Variants in CYTH3 observed in about 807,000 individuals in gnomAD.
The protein encoded by CYTH3 is cytohesin-3.
In CYTH3, 23 loss-of-function variants were observed where a neutral mutation model predicts 55.1. The observed-to-expected ratio is 0.42, with a 90% CI of 0.30 to 0.59. The LOEUF (loss-of-function observed/expected upper bound fraction) is 0.59, where lower values mean the gene tolerates loss of function less well. CYTH3 is among the 20% of genes least tolerant of loss of function. The probability of loss-of-function intolerance (pLI) is 0.20; values close to 1 mark genes in which losing one functional copy is unlikely to be tolerated. For synonymous variants in CYTH3, 249 were observed against 194.9 expected (o/e 1.28, Z -2.31); for missense variants, 413 against 524.8 (o/e 0.79, Z 2.08).
intron 1 of CYTH3, among the ~76,000 whole-genome samples, chr7:6,205,057 T>G (rs1227820270): frequency 1.3e-5 from 2 of 152,002 alleles, no homozygotes; most frequent in African/African-American, 4.8e-5. Context: ...TCCCAGCTAC[T>G]TGGGGGCTGA....
In CYTH3 at chr7:6,259,776, AT is replaced by A. The variant is rs1562417594; in HGVS notation, c.34+12697del. 7.1e-4 allele frequency among the ~76,000 whole-genome samples: 14 copies of A among 19,840 alleles called. 1 individual carries two copies. In the East Asian group the frequency reaches 0.013, roughly 19 times the overall value. The allele number at this position is 19,840 out of a possible 152,430, so 13.0% of individuals were successfully genotyped here. A position where few individuals can be genotyped will look rare whatever the true frequency, so the allele number is the denominator to read the frequency against. On this transcript the variant is annotated intron_variant, in intron 1 of 12. Coordinates refer to ENST00000350796, the MANE Select transcript of CYTH3 (RefSeq NM_004227.4). ...TATATATTATATATATATATATTAT[AT>A]ATATATAATATATATATATATATAT...
chr7:6,205,662 C>T (rs1263358685), intron 1 of CYTH3, among the ~76,000 whole-genome samples: 1 of 151,784 alleles, frequency 6.6e-6, no homozygotes, highest in Non-Finnish European at 1.5e-5. Context: ...TAGAAAATAA[C>T]AACTTAAGAT....
chr7:6,254,781 T>TCA (rs925479325), intron 1 of CYTH3, among the ~76,000 whole-genome samples: 3 of 152,094 alleles, frequency 2.0e-5, no homozygotes, highest in Admixed American at 6.6e-5. Context: ...ATGGGTTCAG[T>TCA]CACACACACA....
At position 6,170,795 on chromosome 7, in the gene CYTH3, TGCAGACG is replaced by T; in HGVS notation, c.711+28_711+34del. ...GCGGCCGCTCACAGCGAAGAGATCCTGCAGACGGCAGCGGCCGCGGGCCGGGGAGCTC... is the reference window on the plus strand; with the variant it reads ...GCGGCCGCTCACAGCGAAGAGATCCTGCAGCGGCCGCGGGCCGGGGAGCTC... On this transcript the variant is annotated intron_variant, in intron 8 of 12. Transcript: ENST00000350796. The surrounding 1 kb of genome is among the most constrained non-coding windows in gnomAD (Gnocchi z 7.8). 1 of 1,595,726 alleles carries T rather than the reference TGCAGACG, an allele frequency of 6.3e-7. No individual in the cohort carries two copies.
At chr7:6,223,825 T>G (rs1457943014) in intron 1 of CYTH3, among the ~76,000 whole-genome samples, 1 of 52,406 alleles carries the variant, frequency 1.9e-5, no homozygotes, top group African/African-American at 7.8e-5. Flanking sequence ...CCAAGAATGA[T>G]CAATAAATAC....
intron 1 of CYTH3, among the ~76,000 whole-genome samples, chr7:6,247,416 C>T (rs561460330): frequency 1.3e-5 from 2 of 150,804 alleles, no homozygotes; most frequent in South Asian, 2.1e-4. Context: ...TATACAGAAA[C>T]AGCTCGTTTT....
intron 1 of CYTH3, among the ~76,000 whole-genome samples, chr7:6,213,381 C>T (rs1316459175): frequency 6.6e-6 from 1 of 152,166 alleles, no homozygotes; most frequent in Non-Finnish European, 1.5e-5. Context: ...AAAGGAGGAA[C>T]CTCCAACACC....
At chr7:6,175,321 C>T (rs908754502) in intron 5 of CYTH3, among the ~76,000 whole-genome samples, 1 of 152,080 alleles carries the variant, frequency 6.6e-6, no homozygotes, top group Non-Finnish European at 1.5e-5. Context: ...TTCTTGATGT[C>T]TTCTGAAGCA....
In CYTH3 at chr7:6,170,907, T is replaced by TGTCACG; in HGVS notation, c.628_633dup (p.Arg210_Asp211dup). On this transcript the variant is annotated inframe_insertion, in exon 8 of 13. Transcript: ENST00000350796. The surrounding 1 kb of genome is among the most constrained non-coding windows in gnomAD (Gnocchi z 7.8). The stretch of plus-strand genomic sequence containing the variant: ...GCGATGAACCGTTCTGCCGTGGGCT[T>TGTCACG]GTCACGCACGTTGTGGTTGTGGAGG... 1 of 1,613,948 alleles carries TGTCACG rather than the reference T, an allele frequency of 6.2e-7. No individual in the cohort carries two copies. Among genetic ancestry groups the TGTCACG allele is most frequent in the Non-Finnish European group, 8.5e-7 (1 of 1,179,910 alleles).
Position 6,170,322 on chromosome 7 carries a change from ACT to A in CYTH3, c.823+211_823+212del, listed in dbSNP as rs1783139137. The A allele has an allele frequency of 5.3e-6, 3 of 570,714 alleles. No homozygotes were observed. Among genetic ancestry groups the A allele is most frequent in the Non-Finnish European group, 9.3e-6 (3 of 323,852 alleles). 35.4% of individuals were successfully genotyped at this position (570,714 alleles called of 1,614,324 possible). ...GGACGGGCCGTGCAGCCTGGGCGCT[ACT>A]CTCTGCCGCGGGCATGGCTCTGAGG... On this transcript the variant is annotated intron_variant, in intron 9 of 12. Coordinates refer to ENST00000350796, the MANE Select transcript of CYTH3 (RefSeq NM_004227.4). The surrounding 1 kb of genome is among the most constrained non-coding windows in gnomAD (Gnocchi z 7.8).
intron 4 of CYTH3, among the ~76,000 whole-genome samples, chr7:6,181,247 G>C (rs1375905039): frequency 6.6e-6 from 1 of 151,868 alleles, no homozygotes; most frequent in Non-Finnish European, 1.5e-5. Flanking sequence ...AGTTTTGCTT[G>C]TTTCTTTGCA....
chr7:6,205,797 C>T (rs1216110392), intron 1 of CYTH3, among the ~76,000 whole-genome samples: 1 of 145,492 alleles, frequency 6.9e-6, no homozygotes, highest in African/African-American at 2.6e-5. Context: ...TAGCTTGAGC[C>T]CAGCAATTTG....
intron 1 of CYTH3, among the ~76,000 whole-genome samples, chr7:6,228,129 G>C (rs911478350): frequency 2.0e-5 from 3 of 152,130 alleles, no homozygotes; most frequent in Middle Eastern, 3.2e-3. Context: ...CAAAAGAATG[G>C]TCAAAGAAAT....
At chr7:6,241,820 G>A (rs73675895) in intron 1 of CYTH3, among the ~76,000 whole-genome samples, 1,935 of 152,156 alleles carry the variant, frequency 0.013, 34 homozygotes, top group African/African-American at 0.044. Flanking sequence ...AAAAAAATAA[G>A]GTGCGAAAAG....
chr7:6,238,104 T>G (rs1189715841), intron 1 of CYTH3, among the ~76,000 whole-genome samples: 1 of 152,214 alleles, frequency 6.6e-6, no homozygotes, highest in African/African-American at 2.4e-5. Flanking sequence ...CAAGTCTCCT[T>G]AGAGGTTATT....
At chr7:6,236,389 TTG>T (rs1390510200) in intron 1 of CYTH3, among the ~76,000 whole-genome samples, 15 of 150,590 alleles carry the variant, frequency 1.0e-4, no homozygotes, top group Admixed American at 9.3e-4. Context: ...TTTTTACTTT[TTG>T]TACAGACAGG....
At chr7:6,177,216 A>G (rs890306965) in intron 5 of CYTH3, among the ~76,000 whole-genome samples, 4 of 152,186 alleles carry the variant, frequency 2.6e-5, no homozygotes, top group Non-Finnish European at 2.9e-5. Context: ...TTTCGATCAA[A>G]TATTTTTTTT....
intron 1 of CYTH3, among the ~76,000 whole-genome samples, chr7:6,266,319 TA>T (rs377593682): frequency 2.6e-5 from 4 of 152,120 alleles, no homozygotes; most frequent in Admixed American, 1.3e-4. Context: ...ACCAATTACT[TA>T]GCTTCCCTAT....
At chr7:6,206,149 A>C (rs1784183105) in intron 1 of CYTH3, among the ~76,000 whole-genome samples, 1 of 152,192 alleles carries the variant, frequency 6.6e-6, no homozygotes, top group Non-Finnish European at 1.5e-5. Flanking sequence ...CCACACAAAA[A>C]CCTGTACATG....
Sources: allele counts gnomAD v4.1 joint callset (sites outside exome capture counted in the v4.1 genomes callset), GRCh38; gene constraint gnomAD v4.1.1; non-coding constraint Gnocchi (gnomAD v3.1); transcripts MANE v1.5; gene names NCBI Gene and HGNC (gene_info 2026-07-23, HGNC 2026-07-21).